The following ALDH1A2 variants were observed in gnomAD, a reference collection of about 807,000 sequenced individuals.
ALDH1A2 encodes the protein aldehyde dehydrogenase 1 family member A2.
ALDH1A2 carries 27 observed loss-of-function variants against 60.3 expected under a neutral mutation model. The observed-to-expected ratio is 0.45, with a 90% confidence interval of 0.33 to 0.62. The LOEUF (loss-of-function observed/expected upper bound fraction) is 0.62. ALDH1A2 is among the 20% of genes least tolerant of loss of function. The pLI, the probability that ALDH1A2 is intolerant of heterozygous loss-of-function variation, is 0.02. For missense variants in ALDH1A2, 581 were observed against 643.8 expected (o/e 0.90, Z 1.06); for synonymous variants, 289 against 232.4 (o/e 1.24, Z -2.21).
rs1037821761 is a variant in ALDH1A2, at chr15:58,040,986, C to A, written c.117+24548G>T. Among the ~76,000 whole-genome samples, 5 of 152,004 alleles carry A rather than the reference C, an allele frequency of 3.3e-5. No homozygotes were observed. In the East Asian group the frequency reaches 9.7e-4, roughly 30 times the overall value. ...GGTTCAAAATCTAAATAGTCTAGCA[C>A]CTTAACCTCAGTCCTAGATACTAGT... On this transcript the variant is annotated intron_variant, in intron 1 of 12. Transcript: ENST00000249750.
chr15:57,980,605 C>T, intron 7 of ALDH1A2: 1 of 255,868 alleles, frequency 3.9e-6, no homozygotes, highest in Admixed American at 4.3e-5. Context: ...CCTCGGCTGA[C>T]AGCCCATACT....
At chr15:57,977,866 A>G (rs1023408701) in intron 7 of ALDH1A2, among the ~76,000 whole-genome samples, 3 of 152,078 alleles carry the variant, frequency 2.0e-5, no homozygotes, top group Non-Finnish European at 4.4e-5. Flanking sequence ...GTGTCCTCTC[A>G]TTTCCTTGAG....
At chr15:58,052,233 G>T (rs1451488771) in intron 1 of ALDH1A2, among the ~76,000 whole-genome samples, 3 of 151,882 alleles carry the variant, frequency 2.0e-5, no homozygotes, top group African/African-American at 7.3e-5. Flanking sequence ...GCAAATTTTC[G>T]GCCCTAAAAA....
chr15:57,958,081 A>G (rs562227327), intron 12 of ALDH1A2, among the ~76,000 whole-genome samples: 39 of 152,270 alleles, frequency 2.6e-4, no homozygotes, highest in African/African-American at 9.4e-4. Flanking sequence ...GCTTGTTAAA[A>G]ACGCAGTTCC....
intron 1 of ALDH1A2, among the ~76,000 whole-genome samples, chr15:58,022,104 G>A (rs981953258): frequency 2.0e-5 from 3 of 152,234 alleles, no homozygotes; most frequent in African/African-American, 4.8e-5. Flanking sequence ...ACTCTGCCTA[G>A]GGCCTAAGAA....
intron 1 of ALDH1A2, chr15:58,036,682 C>T (rs1896386287): frequency 6.6e-6 from 1 of 151,558 alleles, no homozygotes; most frequent in East Asian, 1.9e-4. Flanking sequence ...ACTGAAAATC[C>T]ACAGAAGACG....
chr15:58,062,811 TATAATATGGATACTAGA>T (rs1412558871), intron 1 of ALDH1A2, among the ~76,000 whole-genome samples: 2 of 152,228 alleles, frequency 1.3e-5, no homozygotes, highest in African/African-American at 4.8e-5. Context: ...TGATCATTGG[TATAATATGGATACTAGA>T]ATTTCAGAGT....
intron 1 of ALDH1A2, among the ~76,000 whole-genome samples, chr15:58,025,453 T>C (rs182981604): frequency 5.8e-4 from 88 of 152,150 alleles, no homozygotes; most frequent in Non-Finnish European, 9.9e-4. Context: ...GCTACCAAGA[T>C]TGAATCAGGA....
chr15:57,955,232 T>C lies in ALDH1A2; in HGVS notation c.1522A>G (p.Thr508Ala). 1.2e-6 allele frequency: 2 copies of C among 1,614,098 alleles called. No individual in the cohort carries two copies. The highest frequency in any genetic ancestry group is 2.2e-5 in the East Asian group (1 of 44,854). ...FGLREYSEVKTVTVKIPQKNS is the reference protein window; with the variant it reads ...FGLREYSEVKAVTVKIPQKNS ...TTCTGGGGGATCTTTACTGTCACCGTCTTAACTTCTGAGTACTCCCGCAAG... is the reference window on the plus strand; with the variant it reads ...TTCTGGGGGATCTTTACTGTCACCGCCTTAACTTCTGAGTACTCCCGCAAG... The change falls in exon 13 of 13, where the codon ACG becomes GCG. Residue 508 changes from threonine to alanine, a missense_variant. This residue lies in a region of ALDH1A2 where 375 missense variants were observed against 469.7 expected (regional missense o/e 0.80). Coordinates refer to ENST00000249750, the MANE Select transcript of ALDH1A2 (RefSeq NM_003888.4).
At chr15:58,058,093 A>T in intron 1 of ALDH1A2, 1 of 1,533,370 alleles carries the variant, frequency 6.5e-7, no homozygotes, top group Non-Finnish European at 8.7e-7. Flanking sequence ...TCTGCCAGCA[A>T]GTCCAATTTT....
intron 1 of ALDH1A2, among the ~76,000 whole-genome samples, chr15:58,053,957 GT>G (rs1481164586): frequency 2.0e-5 from 3 of 152,134 alleles, no homozygotes; most frequent in African/African-American, 7.2e-5. Flanking sequence ...AACCCAGGCT[GT>G]TATCTGGAAT....
intron 1 of ALDH1A2, among the ~76,000 whole-genome samples, chr15:58,015,447 T>G (rs1895764361): frequency 6.6e-6 from 1 of 152,230 alleles, no homozygotes; most frequent in South Asian, 2.1e-4. Flanking sequence ...GGAAAATACC[T>G]TAAATTTGTA....
At chr15:57,976,071 C>G (rs548074061) in intron 7 of ALDH1A2, among the ~76,000 whole-genome samples, 1 of 152,190 alleles carries the variant, frequency 6.6e-6, no homozygotes, top group African/African-American at 2.4e-5. Flanking sequence ...CCATATATCT[C>G]TTTGTTGTCC....
At chr15:57,962,280 A>G in intron 9 of ALDH1A2, 104 bp from the exon 10 acceptor site, 1 of 1,398,858 alleles carries the variant, frequency 7.1e-7, no homozygotes, top group Non-Finnish European at 1.0e-6. Flanking sequence ...TCAAAGTTTA[A>G]CTACACCCAG....
chr15:58,053,583 C>T (rs1896828574), intron 1 of ALDH1A2, among the ~76,000 whole-genome samples: 1 of 152,166 alleles, frequency 6.6e-6, no homozygotes, highest in Non-Finnish European at 1.5e-5. Context: ...ATACTAAATG[C>T]TGAGCAATCA....
intron 12 of ALDH1A2, among the ~76,000 whole-genome samples, chr15:57,958,214 G>GCACACACACACACACACACA (rs113322985): frequency 0.052 from 7,958 of 151,786 alleles, 243 homozygotes; most frequent in East Asian, 0.11. Flanking sequence ...GTACACGCAC[G>GCACACACACACACACACACA]CACACACACA....
At chr15:58,037,007 A>T (rs1192097768) in intron 1 of ALDH1A2, among the ~76,000 whole-genome samples, 2 of 151,652 alleles carry the variant, frequency 1.3e-5, no homozygotes, top group African/African-American at 2.4e-5. Flanking sequence ...ATTATCTGAT[A>T]CCCCGATTTA....
At position 58,055,822 on chromosome 15, in the gene ALDH1A2, C is replaced by T. The variant is rs34327934; in HGVS notation, c.117+9712G>A. On this transcript the variant is annotated intron_variant, in intron 1 of 12. Coordinates refer to ENST00000249750, the MANE Select transcript of ALDH1A2 (RefSeq NM_003888.4). ...AGTAATGTTATTTTCAGACCTGGTG[C>T]TTAGGAATAATTTAAATTCTCTTCA... 3.5e-3 allele frequency among the ~76,000 whole-genome samples: 532 copies of T among 152,040 alleles called. 3 individuals carry two copies. The highest frequency in any genetic ancestry group is 0.024 in the Middle Eastern group (7 of 294).
intron 1 of ALDH1A2, among the ~76,000 whole-genome samples, chr15:58,058,512 CAA>C (rs1362542280): frequency 6.9e-6 from 1 of 144,158 alleles, no homozygotes; most frequent in Non-Finnish European, 1.5e-5. Flanking sequence ...ACTTGAAATT[CAA>C]AGTCCAATGA....
Sources: allele counts gnomAD v4.1 joint callset (sites outside exome capture counted in the v4.1 genomes callset), GRCh38; gene constraint gnomAD v4.1.1; regional missense constraint gnomAD v4.1.1; transcripts MANE v1.5; gene names NCBI Gene and HGNC (gene_info 2026-07-23, HGNC 2026-07-21).